Variants in NHEJ1 observed in about 807,000 individuals in gnomAD.
NHEJ1 encodes non-homologous end-joining factor 1.
Under a neutral mutation model 39.4 loss-of-function variants are expected in NHEJ1, and 22 were observed. That is an observed-to-expected ratio of 0.56 (90% CI 0.40 to 0.80). The LOEUF is 0.80. Ranked by LOEUF, NHEJ1 falls within the 30% of genes least tolerant of loss-of-function variation. NHEJ1 has a pLI of 0.00. For missense variants in NHEJ1, 329 were observed against 357.1 expected, an observed-to-expected ratio of 0.92 and a Z score of 0.63; for synonymous variants, 154 against 135.6, an observed-to-expected ratio of 1.14 and a Z score of -0.94.
chr2:219,107,095 T>C (rs1488325048), intron 5 of NHEJ1, among the ~76,000 whole-genome samples: 2 of 151,878 alleles, frequency 1.3e-5, no homozygotes, highest in African/African-American at 4.8e-5. Flanking sequence ...CTAATCTACT[T>C]GAAGAGAAAA....
chr2:219,083,247 G>A (rs189408517), intron 5 of NHEJ1, among the ~76,000 whole-genome samples: 38 of 152,182 alleles, frequency 2.5e-4, no homozygotes, highest in Non-Finnish European at 7.4e-5. Flanking sequence ...TCTGTGAAAT[G>A]GTACTATTAC....
At chr2:219,079,654 C>T (rs900141090) in intron 5 of NHEJ1, among the ~76,000 whole-genome samples, 1 of 152,208 alleles carries the variant, frequency 6.6e-6, no homozygotes. Context: ...TCTAACAGCC[C>T]TCTGGCAGCA....
At chr2:219,121,464 T>A (rs2106345274) in intron 5 of NHEJ1, among the ~76,000 whole-genome samples, 1 of 152,364 alleles carries the variant, frequency 6.6e-6, no homozygotes, top group East Asian at 1.9e-4. Flanking sequence ...TTCTTATTTA[T>A]CCTATGTCCA....
intron 5 of NHEJ1, among the ~76,000 whole-genome samples, chr2:219,144,776 A>G (rs987910804): frequency 6.6e-6 from 1 of 152,156 alleles, no homozygotes; most frequent in Non-Finnish European, 1.5e-5. Flanking sequence ...AACTAAGGGG[A>G]TGAGGCAGGG....
At chr2:219,137,849 C>T (rs890912483) in intron 5 of NHEJ1, among the ~76,000 whole-genome samples, 2 of 152,128 alleles carry the variant, frequency 1.3e-5, no homozygotes, top group East Asian at 3.8e-4. Flanking sequence ...CTAATCACTC[C>T]ACTACTATGG....
At chr2:219,115,049 G>A (rs989273146) in intron 5 of NHEJ1, among the ~76,000 whole-genome samples, 1 of 152,126 alleles carries the variant, frequency 6.6e-6, no homozygotes, top group African/African-American at 2.4e-5. Flanking sequence ...CGTGTTCAAT[G>A]CTAACCACTT....
rs533618334 is a variant in NHEJ1, at chr2:219,103,747, T to C, written c.589-25541A>G. On this transcript the variant is annotated intron_variant, in intron 5 of 7. Coordinates refer to ENST00000356853, the MANE Select transcript of NHEJ1 (RefSeq NM_024782.3). ...CTCTAAAGAGAACATTATCCCTATT[T>C]TACACCAAAATAAACTGGAGCCAGG... 7.6e-4 allele frequency among the ~76,000 whole-genome samples: 116 copies of C among 152,314 alleles called. 1 individual carries two copies. Among genetic ancestry groups the C allele is most frequent in the Non-Finnish European group, 8.1e-4 (55 of 68,034 alleles).
rs1948976589 is a variant in NHEJ1 at position 219,073,031 on chromosome 2, A to G, written c.*3350T>C. ...AAATGGGAGGTCTAAGTGAAAAGGA[A>G]GGAAAGAAAAGGGAGTCCAAATGTA... On this transcript the variant is annotated 3_prime_UTR_variant, in exon 8 of 8. Coordinates refer to ENST00000356853, the MANE Select transcript of NHEJ1 (RefSeq NM_024782.3). Among the ~76,000 whole-genome samples the G allele has an allele frequency of 6.6e-6, 1 of 152,184 alleles. No homozygotes were observed. The highest frequency in any genetic ancestry group is 6.5e-5 in the Admixed American group (1 of 15,274).
chr2:219,100,463 T>C (rs981290305), intron 5 of NHEJ1, among the ~76,000 whole-genome samples: 1 of 116,316 alleles, frequency 8.6e-6, no homozygotes, highest in Non-Finnish European at 2.0e-5. Context: ...AAAAAAAAAA[T>C]AGCTGGGGAT....
intron 3 of NHEJ1, among the ~76,000 whole-genome samples, chr2:219,152,638 T>C (rs902557341): frequency 4.6e-5 from 7 of 152,066 alleles, no homozygotes; most frequent in African/African-American, 1.4e-4. Context: ...TTTTTATTTT[T>C]TTATTTTTTT....
At chr2:219,102,978 C>T (rs1230097561) in intron 5 of NHEJ1, among the ~76,000 whole-genome samples, 1 of 117,778 alleles carries the variant, frequency 8.5e-6, no homozygotes, top group Non-Finnish European at 1.6e-5. Flanking sequence ...GCACTCCAGC[C>T]TGGGCGACAG....
chr2:219,081,589 T>C (rs571235769), intron 5 of NHEJ1, among the ~76,000 whole-genome samples: 4 of 152,240 alleles, frequency 2.6e-5, no homozygotes, highest in Admixed American at 6.5e-5. Flanking sequence ...GATGCATCAA[T>C]CCTTCCCTCA....
chr2:219,123,895 T>C (rs1385179929), intron 5 of NHEJ1, among the ~76,000 whole-genome samples: 2 of 152,318 alleles, frequency 1.3e-5, no homozygotes, highest in East Asian at 3.9e-4. Context: ...ACAATTACCA[T>C]ATTATGTAGC....
intron 5 of NHEJ1, among the ~76,000 whole-genome samples, chr2:219,090,492 T>C (rs1046061032): frequency 6.6e-6 from 1 of 152,220 alleles, no homozygotes; most frequent in African/African-American, 2.4e-5. Flanking sequence ...GGATATGCTA[T>C]AGCATGCTGT....
intron 3 of NHEJ1, among the ~76,000 whole-genome samples, chr2:219,152,423 TAGTA>T (rs1449475347): frequency 6.6e-6 from 1 of 152,032 alleles, no homozygotes; most frequent in African/African-American, 2.4e-5. Context: ...CTGGGCAACA[TAGTA>T]AGACCCCCAT....
At chr2:219,107,194 T>C (rs1949322093) in intron 5 of NHEJ1, among the ~76,000 whole-genome samples, 1 of 152,334 alleles carries the variant, frequency 6.6e-6, no homozygotes, top group African/African-American at 2.4e-5. Flanking sequence ...GCTATATAAC[T>C]GCTAATGATC....
chr2:219,104,263 G>A (rs1356867172), intron 5 of NHEJ1, among the ~76,000 whole-genome samples: 1 of 152,146 alleles, frequency 6.6e-6, no homozygotes, highest in Non-Finnish European at 1.5e-5. Flanking sequence ...GAAGGAAAAA[G>A]GGGATTTCTG....
chr2:219,154,297 C>T (rs945810409), intron 3 of NHEJ1, among the ~76,000 whole-genome samples: 2 of 151,636 alleles, frequency 1.3e-5, no homozygotes, highest in South Asian at 2.1e-4. Context: ...TATATTTGGT[C>T]GTATGAAGAT....
At chr2:219,135,002 T>C (rs150982338) in intron 5 of NHEJ1, among the ~76,000 whole-genome samples, 37 of 137,886 alleles carry the variant, frequency 2.7e-4, no homozygotes, top group Middle Eastern at 4.2e-3. Flanking sequence ...ATCGTGCCAT[T>C]GCACTCCAGC....
Sources: allele counts gnomAD v4.1 joint callset (sites outside exome capture counted in the v4.1 genomes callset), GRCh38; gene constraint gnomAD v4.1.1; transcripts MANE v1.5; gene names NCBI Gene and HGNC (gene_info 2026-07-23, HGNC 2026-07-21).